ZBTB24: variants seen among roughly 807,000 people sequenced by gnomAD.
ZBTB24 encodes the protein zinc finger and BTB domain-containing protein 24.
In ZBTB24, 32 loss-of-function variants were observed where a neutral mutation model predicts 53.8. The ratio of observed to expected loss-of-function variants is 0.60; its 90% confidence interval spans 0.45 to 0.80. The LOEUF is 0.80. Ranked by LOEUF, ZBTB24 falls within the 30% of genes least tolerant of loss-of-function variation. ZBTB24 has a pLI of 0.00. For synonymous variants in ZBTB24, 297 were observed against 306.7 expected (o/e 0.97, Z 0.33); for missense variants, 722 against 837.1 (o/e 0.86, Z 1.70).
chr6:109,478,702 A>ATACAGGC (rs1776331639), intron 2 of ZBTB24, among the ~76,000 whole-genome samples: 1 of 152,134 alleles, frequency 6.6e-6, no homozygotes, highest in Non-Finnish European at 1.5e-5. Context: ...AATAAATAAA[A>ATACAGGC]TACAGGCTCT....
intron 5 of ZBTB24, among the ~76,000 whole-genome samples, chr6:109,474,720 G>C (rs537985570): frequency 6.7e-6 from 1 of 148,996 alleles, no homozygotes; most frequent in African/African-American, 2.5e-5. Flanking sequence ...GCAACAGAGC[G>C]AGACTCCGTC....
chr6:109,471,478 A>C (rs950124839), intron 5 of ZBTB24, among the ~76,000 whole-genome samples: 3 of 152,258 alleles, frequency 2.0e-5, no homozygotes, highest in Non-Finnish European at 2.9e-5. Flanking sequence ...GGCTGTGAAC[A>C]GAACTGTGAC....
Position 109,473,651 on chromosome 6 carries a change from G to C in ZBTB24, c.1288+1748C>G, listed in dbSNP as rs1776215435. Among the ~76,000 whole-genome samples the C allele has an allele frequency of 2.0e-5, 3 of 152,094 alleles. No homozygotes were observed. In the South Asian group the frequency reaches 6.2e-4, roughly 32 times the overall value. On this transcript the variant is annotated intron_variant, in intron 5 of 6. Coordinates refer to ENST00000230122, the MANE Select transcript of ZBTB24 (RefSeq NM_014797.3). Reference sequence around the variant, plus strand: ...TTGAATGTTGGCCCCTTAAGGCAGGGGCCTGTCCATCTCATTCACTGCTGT... The same window carrying C: ...TTGAATGTTGGCCCCTTAAGGCAGGCGCCTGTCCATCTCATTCACTGCTGT...
intron 1 of ZBTB24, among the ~76,000 whole-genome samples, chr6:109,482,679 T>A (rs1396874046): frequency 1.3e-5 from 2 of 152,000 alleles, no homozygotes; most frequent in Non-Finnish European, 2.9e-5. Flanking sequence ...GTCTACCTTC[T>A]ATAAAATGAA....
At chr6:109,469,907 T>C (rs3807005) in intron 5 of ZBTB24, among the ~76,000 whole-genome samples, 46,038 of 152,086 alleles carry the variant, frequency 0.3, 7,283 homozygotes, top group Middle Eastern at 0.42. Flanking sequence ...CAAGGATCAC[T>C]GTCAGGAGTC....
In ZBTB24 at chr6:109,472,414, G is replaced by A. The variant is rs538263793; in HGVS notation, c.1288+2985C>T. Among the ~76,000 whole-genome samples the A allele has an allele frequency of 3.1e-3, 477 of 152,234 alleles. 2 individuals carry two copies. Among genetic ancestry groups the A allele is most frequent in the African/African-American group, 0.011 (443 of 41,520 alleles). On this transcript the variant is annotated intron_variant, in intron 5 of 6. Coordinates refer to ENST00000230122, the MANE Select transcript of ZBTB24 (RefSeq NM_014797.3). ...TTGACAGGCTGAGAAGAGTTTGCTGGAATTATAGTGGGGGAGGTCTTCTGT... is the reference window on the plus strand; with the variant it reads ...TTGACAGGCTGAGAAGAGTTTGCTGAAATTATAGTGGGGGAGGTCTTCTGT...
rs760564322 is a variant in ZBTB24, at chr6:109,481,673, G to A, written c.354C>T (p.Val118=). 6.2e-7 allele frequency: 1 copy of A among 1,614,230 alleles called. No individual in the cohort carries two copies. Among genetic ancestry groups the A allele is most frequent in the Non-Finnish European group, 8.5e-7 (1 of 1,180,048 alleles). Residue 118 remains valine (V), a synonymous_variant, in exon 2 of 7, where the codon GTC becomes GTT. Transcript: ENST00000230122. ...QILATAQFLK[V]YDLVKAYTDF... ...CTGTGTAAGCCTTTACCAGGTCATA[G>A]ACTTTTAAGAACTGAGCAGTAGCCA...
intron 5 of ZBTB24, among the ~76,000 whole-genome samples, chr6:109,473,578 T>A (rs1346999013): frequency 6.6e-6 from 1 of 152,170 alleles, no homozygotes; most frequent in Non-Finnish European, 1.5e-5. Flanking sequence ...TTCAACGCAC[T>A]CACAACACCA....
At chr6:109,467,893 A>T (rs1776085289) in intron 5 of ZBTB24, among the ~76,000 whole-genome samples, 159 bp from the exon 6 acceptor site, 1 of 152,178 alleles carries the variant, frequency 6.6e-6, no homozygotes, top group Non-Finnish European at 1.5e-5. Context: ...TGCACTCACC[A>T]AATATCTACT....
chr6:109,474,733 A>C (rs1282937175), intron 5 of ZBTB24, among the ~76,000 whole-genome samples: 5 of 122,292 alleles, frequency 4.1e-5, no homozygotes, highest in African/African-American at 2.2e-4. Context: ...ACTCCGTCTC[A>C]AAAAAAAAAA....
chr6:109,479,504 T>C (rs934169360), intron 2 of ZBTB24, among the ~76,000 whole-genome samples: 2 of 152,250 alleles, frequency 1.3e-5, no homozygotes, highest in Non-Finnish European at 2.9e-5. Context: ...AAAGATGAAT[T>C]GAACCATTGT....
chr6:109,478,908 A>G lies in ZBTB24; in HGVS notation c.953-1978T>C, dbSNP rs139857779. On this transcript the variant is annotated intron_variant, in intron 2 of 6. Coordinates refer to ENST00000230122, the MANE Select transcript of ZBTB24 (RefSeq NM_014797.3). The stretch of plus-strand genomic sequence containing the variant: ...CATGCTCATAGAGGTAAGATAATAC[A>G]TTGTGAAATAAAAAGATCATTCAAA... Among the ~76,000 whole-genome samples, 37 of 152,196 alleles carry G rather than the reference A, an allele frequency of 2.4e-4. No individual in the cohort carries two copies. The East Asian group carries it at 5.8e-3, about 24-fold the overall frequency.
intron 4 of ZBTB24, 124 bp downstream of exon 4, chr6:109,476,051 T>C: frequency 9.4e-7 from 1 of 1,058,470 alleles, no homozygotes; most frequent in Non-Finnish European, 1.4e-6. Context: ...TTAAGGCACT[T>C]TTCCCTAAAT....
At chr6:109,473,220 CT>C (rs1030381681) in intron 5 of ZBTB24, among the ~76,000 whole-genome samples, 2 of 151,990 alleles carry the variant, frequency 1.3e-5, no homozygotes, top group South Asian at 2.1e-4. Flanking sequence ...TGGGACAAGG[CT>C]TTTTTTTAAA....
intron 5 of ZBTB24, among the ~76,000 whole-genome samples, chr6:109,474,189 T>G (rs1164610688): frequency 6.6e-6 from 1 of 152,182 alleles, no homozygotes; most frequent in Non-Finnish European, 1.5e-5. Flanking sequence ...GGCAAGTTTT[T>G]CTTAGAAAAC....
In ZBTB24 at chr6:109,476,774, C is replaced by T; in HGVS notation, c.1109G>A (p.Ser370Asn). The T allele has an allele frequency of 6.2e-7, 1 of 1,613,442 alleles. No individual in the cohort carries two copies. The highest frequency in any genetic ancestry group is 8.5e-7 in the Non-Finnish European group (1 of 1,179,970). ...GCAAGCCCCACTACCTGAGTGCAGG[C>T]TCATGTGCTCCAGCAGTGAGTGCTT... ...TTKHSLLEHM[S>N]LHSGQKSFTC... is the part of the protein sequence containing the mutation. The change falls in exon 3 of 7, where the codon AGC (serine) becomes AAC (asparagine). Residue 370 changes from serine to asparagine, a missense_variant. By Grantham distance (46) the Ser-to-Asn change is conservative. Coordinates refer to ENST00000230122, the MANE Select transcript of ZBTB24 (RefSeq NM_014797.3).
At chr6:109,473,950 G>A (rs1418612812) in intron 5 of ZBTB24, among the ~76,000 whole-genome samples, 4 of 151,632 alleles carry the variant, frequency 2.6e-5, no homozygotes, top group African/African-American at 4.8e-5. Flanking sequence ...TTAGCCAGGC[G>A]TGGTGGTGCG....
chr6:109,470,227 A>G (rs945690285), intron 5 of ZBTB24, among the ~76,000 whole-genome samples: 3 of 152,178 alleles, frequency 2.0e-5, no homozygotes, highest in African/African-American at 7.2e-5. Context: ...GAGTGTGATG[A>G]AAGGTTCCAC....
intron 5 of ZBTB24, among the ~76,000 whole-genome samples, chr6:109,474,070 CAG>C (rs1776226083): frequency 7.6e-6 from 1 of 130,778 alleles, no homozygotes; most frequent in African/African-American, 3.0e-5. Context: ...GCCTGGGCGA[CAG>C]AGACAGTGAC....
Sources: gnomAD v4.1 joint callset for allele counts (sites outside exome capture counted in the v4.1 genomes callset) on GRCh38, gnomAD v4.1.1 for gene constraint, MANE v1.5 for transcripts, NCBI Gene and HGNC (gene_info 2026-07-23, HGNC 2026-07-21) for gene names.